Variants in NEDD4L observed in about 807,000 individuals in gnomAD.
NEDD4L encodes the protein NEDD4 like E3 ubiquitin protein ligase.
A neutral mutation model predicts 148.9 loss-of-function variants in NEDD4L; 54 were observed. The ratio of observed to expected loss-of-function variants is 0.36; its 90% CI spans 0.29 to 0.45. The LOEUF is 0.45. Among genes scored for constraint, NEDD4L ranks in the 20% least tolerant of loss-of-function variants. The pLI is 1.00. For synonymous variants in NEDD4L, 433 were observed against 440.7 expected, an observed-to-expected ratio of 0.98 and a Z score of 0.22; for missense variants, 856 against 1,233.8, an observed-to-expected ratio of 0.69 and a Z score of 4.59.
intron 1 of NEDD4L, among the ~76,000 whole-genome samples, chr18:58,121,730 A>G (rs2029937469): frequency 6.6e-6 from 1 of 152,166 alleles, no homozygotes; most frequent in Non-Finnish European, 1.5e-5. Flanking sequence ...TTCTATGTTT[A>G]TTATATTTTC....
chr18:58,120,064 C>T, intron 1 of NEDD4L, among the ~76,000 whole-genome samples: 1 of 152,218 alleles, frequency 6.6e-6, no homozygotes, highest in Non-Finnish European at 1.5e-5. Flanking sequence ...GAAGAAGTCT[C>T]CTTGCCAGGA....
At chr18:58,293,549 C>T (rs73961561) in intron 5 of NEDD4L, among the ~76,000 whole-genome samples, 6 of 152,186 alleles carry the variant, frequency 3.9e-5, no homozygotes, top group African/African-American at 1.4e-4. Flanking sequence ...AATCCATCAA[C>T]CATGCGCTAT....
At chr18:58,304,719 C>T (rs1251393471) in intron 5 of NEDD4L, among the ~76,000 whole-genome samples, 1 of 152,194 alleles carries the variant, frequency 6.6e-6, no homozygotes, top group African/African-American at 2.4e-5. Context: ...CATCCGCTTT[C>T]CACAAACCCA....
intron 2 of NEDD4L, chr18:58,227,811 G>C: frequency 1.1e-6 from 1 of 916,390 alleles, no homozygotes; most frequent in East Asian, 1.2e-4. Context: ...CCTAAGAGCA[G>C]ATTATCCTTC....
chr18:58,319,949 C>A (rs2058630101), intron 6 of NEDD4L, among the ~76,000 whole-genome samples: 1 of 152,184 alleles, frequency 6.6e-6, no homozygotes, highest in Admixed American at 6.5e-5. Context: ...ATGGTTACTG[C>A]CCCATTTTAT....
chr18:58,112,358 GTCTTTATT>G (rs1259676478), intron 1 of NEDD4L, among the ~76,000 whole-genome samples: 3 of 134,614 alleles, frequency 2.2e-5, no homozygotes, highest in Non-Finnish European at 4.7e-5. Flanking sequence ...GTTCCTATTT[GTCTTTATT>G]TATTTATTTA....
chr18:58,171,814 C>CT (rs2037543639), intron 2 of NEDD4L, among the ~76,000 whole-genome samples: 1 of 152,182 alleles, frequency 6.6e-6, no homozygotes, highest in Admixed American at 6.5e-5. Context: ...CACAGGAGGC[C>CT]TGCCTAGGGC....
chr18:58,399,877 A>G lies in NEDD4L; in HGVS notation c.*3608A>G, dbSNP rs1192354477. 1.3e-5 allele frequency: 2 copies of G among 151,564 alleles called. No homozygotes were observed. Among genetic ancestry groups the G allele is most frequent in the African/African-American group, 2.4e-5 (1 of 41,154 alleles). The allele number at this position is 151,564 out of a possible 1,614,324, so 9.4% of individuals were successfully genotyped here. ...TGCATAGAGAGTGTGCACCGCTGCT[A>G]TCTTGCCAGATCCACACTGGTCCTC... On this transcript the variant is annotated 3_prime_UTR_variant, in exon 31 of 31. Coordinates refer to ENST00000400345, the MANE Select transcript of NEDD4L (RefSeq NM_001144967.3).
chr18:58,310,348 A>G (rs1023382922), intron 5 of NEDD4L, among the ~76,000 whole-genome samples: 5 of 152,228 alleles, frequency 3.3e-5, no homozygotes, highest in African/African-American at 4.8e-5. Context: ...ATGGCAGAGG[A>G]GCTGGCCATG....
At chr18:58,205,925 C>T (rs11663307) in intron 2 of NEDD4L, among the ~76,000 whole-genome samples, 241 of 152,276 alleles carry the variant, frequency 1.6e-3, no homozygotes, top group Non-Finnish European at 2.9e-3. Flanking sequence ...TCCTAGTGTC[C>T]TTGTGCCTCC....
At chr18:58,103,829 A>G (rs1343601634) in intron 1 of NEDD4L, among the ~76,000 whole-genome samples, 2 of 152,244 alleles carry the variant, frequency 1.3e-5, no homozygotes, top group Non-Finnish European at 2.9e-5. Flanking sequence ...AGGAGAATGC[A>G]GGTTTACCAC....
intron 1 of NEDD4L, among the ~76,000 whole-genome samples, chr18:58,101,851 A>G (rs2084772224): frequency 6.6e-6 from 1 of 152,170 alleles, no homozygotes; most frequent in South Asian, 2.1e-4. Context: ...TAATTGTGTC[A>G]TGTTGGGTGC....
At chr18:58,180,377 A>C (rs1326410038) in intron 2 of NEDD4L, among the ~76,000 whole-genome samples, 3 of 152,074 alleles carry the variant, frequency 2.0e-5, no homozygotes, top group Non-Finnish European at 4.4e-5. Flanking sequence ...CACTTAGCAC[A>C]TGGCGCTAAG....
intron 5 of NEDD4L, among the ~76,000 whole-genome samples, chr18:58,274,467 G>T (rs2051562177): frequency 6.6e-6 from 1 of 152,218 alleles, no homozygotes; most frequent in Non-Finnish European, 1.5e-5. Flanking sequence ...TGCACAGGTT[G>T]TGTAGACCAA....
rs867279787 is a variant in NEDD4L, at chr18:58,389,103, G to A, written c.2566G>A (p.Gly856Ser). The change falls in exon 28 of 31, where the codon GGT becomes AGT. Residue 856 changes from glycine (G) to serine (S), a missense_variant. By Grantham distance (56) the Gly-to-Ser change is moderately conservative. This residue lies in a region of NEDD4L where 286 missense variants were observed against 531.8 expected (regional missense o/e 0.54). Coordinates refer to ENST00000400345, the MANE Select transcript of NEDD4L (RefSeq NM_001144967.3). ...NELELLMCGL[G>S]DVDVNDWRQH... ...TTCCTAGTTGCTCATGTGCGGCCTC[G>A]GTGATGTGGATGTGAATGACTGGAG... The A allele has an allele frequency of 1.9e-6, 3 of 1,613,760 alleles. No individual in the cohort carries two copies. Among genetic ancestry groups the A allele is most frequent in the African/African-American group, 1.3e-5 (1 of 74,890 alleles).
At position 58,400,900 on chromosome 18, in the gene NEDD4L, A is replaced by G. The variant is rs548673658; in HGVS notation, c.*4631A>G. 5.3e-5 allele frequency: 8 copies of G among 152,298 alleles called. No homozygotes were observed. The highest frequency in any genetic ancestry group is 1.9e-4 in the African/African-American group (8 of 41,542). 9.4% of individuals were successfully genotyped at this position (152,298 alleles called of 1,614,324 possible). ...TCCTTTACTACTCTGTATGTAATAT[A>G]TATACATATATACGTACATATGCTG... On this transcript the variant is annotated 3_prime_UTR_variant, in exon 31 of 31. Coordinates refer to ENST00000400345, the MANE Select transcript of NEDD4L (RefSeq NM_001144967.3).
chr18:58,351,219 AG>A, intron 18 of NEDD4L, 174 bp downstream of exon 18: 1 of 982,956 alleles, frequency 1.0e-6, no homozygotes, highest in South Asian at 4.7e-5. Context: ...ATTCACCCCA[AG>A]TTTGCTTAAA....
intron 4 of NEDD4L, among the ~76,000 whole-genome samples, chr18:58,250,194 G>A (rs1244380685): frequency 1.3e-5 from 2 of 152,088 alleles, no homozygotes; most frequent in Admixed American, 6.6e-5. Flanking sequence ...TCTGTCACCA[G>A]GCTGGAGTGC....
chr18:58,286,983 TGCC>T (rs2053997568), intron 5 of NEDD4L, among the ~76,000 whole-genome samples: 1 of 152,212 alleles, frequency 6.6e-6, no homozygotes, highest in African/African-American at 2.4e-5. Flanking sequence ...ACTTTTTATT[TGCC>T]CAGAATGAAC....
Sources: allele counts gnomAD v4.1 joint callset (sites outside exome capture counted in the v4.1 genomes callset), GRCh38; gene constraint gnomAD v4.1.1; regional missense constraint gnomAD v4.1.1; transcripts MANE v1.5; gene names NCBI Gene and HGNC (gene_info 2026-07-23, HGNC 2026-07-21).